PADI1: variants seen among roughly 807,000 people sequenced by gnomAD.
PADI1 encodes the protein peptidyl arginine deiminase 1.
A neutral mutation model predicts 74.8 loss-of-function variants in PADI1; 65 were observed. The ratio of observed to expected loss-of-function variants is 0.87; its 90% CI spans 0.71 to 1.07. PADI1 has a LOEUF of 1.07. Ranked by LOEUF, PADI1 falls within the 50% of genes least tolerant of loss-of-function variation. PADI1 has a pLI of 0.00. For missense variants in PADI1, 943 were observed against 854.0 expected (o/e 1.10, Z -1.30); for synonymous variants, 371 against 336.2 (o/e 1.10, Z -1.13).
At chr1:17,229,102 G>A (rs1200058035) in intron 8 of PADI1, 51 bp downstream of exon 8, 2 of 1,168,714 alleles carry the variant, frequency 1.7e-6, no homozygotes, top group African/African-American at 1.5e-5. Context: ...GCAGAGGTAG[G>A]GACAGAAGCT....
At chr1:17,209,137 C>G (rs747282364) in intron 1 of PADI1, among the ~76,000 whole-genome samples, 1 of 152,134 alleles carries the variant, frequency 6.6e-6, no homozygotes, top group African/African-American at 2.4e-5. Context: ...ATGTGTACAT[C>G]GAGTAAATTA....
chr1:17,239,727 A>C lies in PADI1; in HGVS notation c.1576A>C (p.Ser526Arg). Reference sequence around the variant, plus strand: ...AGGGTTAAAACACCAGGCAAAAAGAAGCATTAATGAGATGCTGGCAGACAG... The same window carrying C: ...AGGGTTAAAACACCAGGCAAAAAGACGCATTAATGAGATGCTGGCAGACAG... ...FDGLKHQAKR[S>R]INEMLADRHL... The change falls in exon 14 of 16, where the codon AGC becomes CGC. Residue 526 changes from serine (S) to arginine (R), a missense_variant. Ser to Arg is a moderately radical substitution (Grantham distance 110). Coordinates refer to ENST00000375471, the MANE Select transcript of PADI1 (RefSeq NM_013358.3). 6.2e-7 allele frequency: 1 copy of C among 1,614,080 alleles called. No individual in the cohort carries two copies.
intron 1 of PADI1, among the ~76,000 whole-genome samples, chr1:17,220,695 G>A (rs1005088409): frequency 6.6e-6 from 1 of 152,204 alleles, no homozygotes; most frequent in African/African-American, 2.4e-5. Context: ...TACAAAGGAA[G>A]AACAAGCACC....
chr1:17,238,577 A>G, intron 12 of PADI1, 39 bp from the exon 13 acceptor site: 4 of 1,208,532 alleles, frequency 3.3e-6, no homozygotes, highest in Non-Finnish European at 4.5e-6. Flanking sequence ...GTCTAAGGGG[A>G]CCCTGTCCAC....
chr1:17,231,122 C>T (rs2072479894), intron 10 of PADI1, among the ~76,000 whole-genome samples: 1 of 152,154 alleles, frequency 6.6e-6, no homozygotes. Flanking sequence ...ACTGTGCTAC[C>T]TCCTGTGCAC....
intron 11 of PADI1, among the ~76,000 whole-genome samples, chr1:17,235,623 T>C (rs1393578195): frequency 6.6e-6 from 1 of 150,782 alleles, no homozygotes; most frequent in Non-Finnish European, 1.5e-5. Flanking sequence ...AGCCGGAGGA[T>C]GTAGGCTCAG....
chr1:17,239,031 C>T (rs2072717437), intron 13 of PADI1, among the ~76,000 whole-genome samples: 2 of 152,216 alleles, frequency 1.3e-5, no homozygotes, highest in Admixed American at 6.5e-5. Flanking sequence ...GGTGAATTGG[C>T]TTGGACAGGG....
At position 17,228,691 on chromosome 1, in the gene PADI1, GAC is replaced by G; in HGVS notation, c.721_722del (p.Gln241AlafsTer63). 6.2e-7 allele frequency: 1 copy of G among 1,614,094 alleles called. No individual in the cohort carries two copies. Among genetic ancestry groups the G allele is most frequent in the Non-Finnish European group, 8.5e-7 (1 of 1,179,994 alleles). On this transcript the variant is annotated frameshift_variant, in exon 7 of 16. Transcript: ENST00000375471. LOFTEE classifies it high-confidence loss of function. The stretch of plus-strand genomic sequence containing the variant: ...CAGTGTCTGTCCTATGAAGTTGAGC[GAC>G]AGCCAGGGGAGCAGGAGATCAAGTT...
At position 17,244,322 on chromosome 1, in the gene PADI1, C is replaced by T. The variant is rs758677258; in HGVS notation, c.*79C>T. ...GTGAAGGCAAGGAACAACCACCTGG[C>T]CTCCATTCTCTTGGGGGAGTCTTGG... On this transcript the variant is annotated 3_prime_UTR_variant, in exon 16 of 16. Coordinates refer to ENST00000375471, the MANE Select transcript of PADI1 (RefSeq NM_013358.3). 2 of 1,063,646 alleles carry T rather than the reference C, an allele frequency of 1.9e-6. No homozygotes were observed. The highest frequency in any genetic ancestry group is 2.9e-6 in the Non-Finnish European group (2 of 682,918). The allele number at this position is 1,063,646 out of a possible 1,614,324, so 65.9% of individuals were successfully genotyped here.
chr1:17,226,503 T>C (rs2100465515), intron 6 of PADI1, among the ~76,000 whole-genome samples: 1 of 152,272 alleles, frequency 6.6e-6, no homozygotes, highest in South Asian at 2.1e-4. Context: ...TGGACTGAAC[T>C]GCATGCCAAG....
chr1:17,214,371 G>A (rs1047941775), intron 1 of PADI1, among the ~76,000 whole-genome samples: 1 of 152,132 alleles, frequency 6.6e-6, no homozygotes, highest in African/African-American at 2.4e-5. Flanking sequence ...CAGCAGAGAT[G>A]GGGGAGCAGC....
In PADI1 at chr1:17,224,490, G is replaced by A. The variant is rs2072254863; in HGVS notation, c.408+62G>A. 1.4e-5 allele frequency: 18 copies of A among 1,251,894 alleles called. No individual in the cohort carries two copies. The South Asian group carries it at 1.6e-4, about 11-fold the overall frequency. The allele number at this position is 1,251,894 out of a possible 1,614,324, so 77.5% of individuals were successfully genotyped here. On this transcript the variant is annotated intron_variant, in intron 4 of 15. Transcript: ENST00000375471. ...GAAAGGCAAACTTGGGGTGGTCCCG[G>A]GTGGATTGTGCCCTCCCTCCAGAAG...
At chr1:17,208,560 C>T (rs553691700) in intron 1 of PADI1, among the ~76,000 whole-genome samples, 2 of 131,728 alleles carry the variant, frequency 1.5e-5, no homozygotes, top group African/African-American at 3.0e-5. Context: ...CCCTGTCCAC[C>T]CCCGACTCCA....
intron 1 of PADI1, among the ~76,000 whole-genome samples, chr1:17,217,702 G>T (rs1313953734): frequency 6.6e-6 from 1 of 152,200 alleles, no homozygotes; most frequent in African/African-American, 2.4e-5. Context: ...CTATTATGCA[G>T]CTCTTTGAAA....
intron 2 of PADI1, 169 bp from the exon 3 acceptor site, chr1:17,223,452 A>G (rs964713022): frequency 9.3e-5 from 56 of 605,302 alleles, no homozygotes; most frequent in Non-Finnish European, 1.4e-4. Context: ...TGGAGAAGGT[A>G]GCTCTGAATC....
intron 15 of PADI1, among the ~76,000 whole-genome samples, chr1:17,241,036 C>A (rs961647447): frequency 3.8e-4 from 58 of 152,260 alleles, no homozygotes; most frequent in Middle Eastern, 3.4e-3. Flanking sequence ...CATAGGATGC[C>A]CCGCCACAAA....
Position 17,225,875 on chromosome 1 carries a change from A to G in PADI1, c.473A>G (p.Asn158Ser). ...AILLVNCDRDNHRSAEPDLTH... is the reference protein window; with the variant it reads ...AILLVNCDRDSHRSAEPDLTH... ...TTGCTGGTGAACTGTGACCGGGACA[A>G]TCACAGGTCCGCAGAGCCTGACCTC... The change falls in exon 5 of 16, where the codon AAT (asparagine) becomes AGT (serine). Residue 158 changes from asparagine to serine, a missense_variant. Transcript: ENST00000375471. 6.2e-7 allele frequency: 1 copy of G among 1,614,076 alleles called. No individual in the cohort carries two copies. Among genetic ancestry groups the G allele is most frequent in the Non-Finnish European group, 8.5e-7 (1 of 1,180,008 alleles).
At chr1:17,211,449 A>G (rs903203094) in intron 1 of PADI1, among the ~76,000 whole-genome samples, 3 of 152,108 alleles carry the variant, frequency 2.0e-5, no homozygotes, top group South Asian at 2.1e-4. Context: ...ATGAGCCACC[A>G]TGCCCAGCCG....
intron 1 of PADI1, among the ~76,000 whole-genome samples, chr1:17,209,887 G>C (rs2100395184): frequency 6.6e-6 from 1 of 152,150 alleles, no homozygotes; most frequent in Admixed American, 6.5e-5. Context: ...GTCTCACTCT[G>C]TTGCCCAGGC....
Sources: allele counts gnomAD v4.1 joint callset (sites outside exome capture counted in the v4.1 genomes callset), GRCh38; gene constraint gnomAD v4.1.1; transcripts MANE v1.5; gene names NCBI Gene and HGNC (gene_info 2026-07-23, HGNC 2026-07-21).